The following CSMD1 variants were observed in gnomAD, a reference collection of about 807,000 sequenced individuals.
CSMD1 encodes the protein CUB and Sushi multiple domains 1, also known as CUB and sushi domain-containing protein 1.
Under a neutral mutation model 417.5 loss-of-function variants are expected in CSMD1, and 213 were observed. The ratio of observed to expected loss-of-function variants is 0.51; its 90% CI spans 0.46 to 0.57. The LOEUF (loss-of-function observed/expected upper bound fraction) is 0.57. Among genes scored for constraint, CSMD1 ranks in the 20% least tolerant of loss-of-function variants. The pLI, the probability that CSMD1 is intolerant of heterozygous loss-of-function variation, is 0.00. For synonymous variants in CSMD1, 2,862 were observed against 1,736.8 expected (o/e 1.65, Z -16.11); for missense variants, 6,923 against 4,529.7 (o/e 1.53, Z -15.17).
chr8:3,209,750 G>C (rs1052854680), intron 30 of CSMD1, among the ~76,000 whole-genome samples: 2 of 152,034 alleles, frequency 1.3e-5, no homozygotes, highest in African/African-American at 4.8e-5. Context: ...TTTGTTATTT[G>C]GTAATTAACA....
At chr8:3,310,101 A>T (rs1287887973) in intron 23 of CSMD1, among the ~76,000 whole-genome samples, 1 of 152,186 alleles carries the variant, frequency 6.6e-6, no homozygotes, top group Non-Finnish European at 1.5e-5. Context: ...AATGTCCACA[A>T]AGGGGAGGTA....
intron 7 of CSMD1, among the ~76,000 whole-genome samples, chr8:3,697,745 G>A (rs2129035646): frequency 6.6e-6 from 1 of 152,144 alleles, no homozygotes; most frequent in South Asian, 2.1e-4. Context: ...TATAAAATTT[G>A]ATGAAAATTC....
In CSMD1 at chr8:3,427,066, G is replaced by T. The variant is rs112204905; in HGVS notation, c.1562-17461C>A. The stretch of plus-strand genomic sequence containing the variant: ...CTCATGAGAACTCACTCACTATCAC[G>T]ACAGCAGCATAGTGGAAACCATCCC... On this transcript the variant is annotated intron_variant, in intron 12 of 69. Transcript: ENST00000635120. Among the ~76,000 whole-genome samples the T allele has an allele frequency of 2.0e-5, 3 of 152,116 alleles. No individual in the cohort carries two copies. The East Asian group carries it at 5.8e-4, about 29-fold the overall frequency.
chr8:4,401,705 C>T (rs1447279316), intron 3 of CSMD1, among the ~76,000 whole-genome samples: 1 of 151,776 alleles, frequency 6.6e-6, no homozygotes, highest in African/African-American at 2.4e-5. Context: ...CCATCTAATC[C>T]TCCTTCTTTG....
At chr8:3,710,604 T>C (rs147281888) in intron 6 of CSMD1, among the ~76,000 whole-genome samples, 1 of 152,142 alleles carries the variant, frequency 6.6e-6, no homozygotes, top group African/African-American at 2.4e-5. Context: ...TTCCTGTGCT[T>C]GGCCCCTGTG....
At chr8:4,455,592 G>T (rs1260833410) in intron 2 of CSMD1, among the ~76,000 whole-genome samples, 1 of 151,924 alleles carries the variant, frequency 6.6e-6, no homozygotes, top group Non-Finnish European at 1.5e-5. Context: ...GACAAATTGT[G>T]AATTTTTAAA....
chr8:4,080,305 G>C (rs2552144), intron 3 of CSMD1, among the ~76,000 whole-genome samples: 77,443 of 152,096 alleles, frequency 0.51, 21,764 homozygotes, highest in South Asian at 0.67. Flanking sequence ...GTGTACCTAA[G>C]AGTAAGGCAC....
At chr8:4,639,896 C>A (rs576152013) in intron 1 of CSMD1, among the ~76,000 whole-genome samples, 1 of 152,014 alleles carries the variant, frequency 6.6e-6, no homozygotes, top group African/African-American at 2.4e-5. Flanking sequence ...AATTTAAGTC[C>A]AATAATAACA....
intron 26 of CSMD1, among the ~76,000 whole-genome samples, chr8:3,230,449 T>C (rs1563164915): frequency 6.6e-6 from 1 of 152,068 alleles, no homozygotes; most frequent in African/African-American, 2.4e-5. Context: ...AAGATTCTGT[T>C]GAAAATGCAA....
intron 1 of CSMD1, among the ~76,000 whole-genome samples, chr8:4,731,918 G>T (rs556631600): frequency 6.4e-4 from 98 of 152,166 alleles, no homozygotes; most frequent in Non-Finnish European, 1.1e-3. Context: ...TAGGGCCAAA[G>T]ATAAAAATAA....
chr8:3,300,319 G>C (rs1329079613), intron 25 of CSMD1, among the ~76,000 whole-genome samples: 1 of 151,802 alleles, frequency 6.6e-6, no homozygotes. Context: ...TTCAAGTGTA[G>C]TTTTCTTTGG....
At chr8:4,817,104 T>A (rs1799251967) in intron 1 of CSMD1, among the ~76,000 whole-genome samples, 1 of 151,922 alleles carries the variant, frequency 6.6e-6, no homozygotes, top group Non-Finnish European at 1.5e-5. Context: ...TGTATATACA[T>A]GCCTCCATGT....
intron 4 of CSMD1, among the ~76,000 whole-genome samples, chr8:4,027,725 C>G (rs747090448): frequency 1.3e-5 from 2 of 152,060 alleles, no homozygotes; most frequent in Non-Finnish European, 2.9e-5. Context: ...GCCCATTGAA[C>G]AAACTTGAAG....
chr8:3,325,105 G>A (rs1353524074), intron 23 of CSMD1, among the ~76,000 whole-genome samples: 1 of 151,896 alleles, frequency 6.6e-6, no homozygotes, highest in African/African-American at 2.4e-5. Flanking sequence ...TTCTTTTAAC[G>A]ACATCATTAA....
chr8:4,377,818 G>C (rs1031622038), intron 3 of CSMD1, among the ~76,000 whole-genome samples: 2 of 152,146 alleles, frequency 1.3e-5, no homozygotes, highest in Admixed American at 6.5e-5. Flanking sequence ...GTTTAGCTTT[G>C]TGTATAAATA....
At chr8:4,742,057 G>T (rs1810647915) in intron 1 of CSMD1, among the ~76,000 whole-genome samples, 2 of 98,146 alleles carry the variant, frequency 2.0e-5, no homozygotes, top group Admixed American at 1.6e-4. Flanking sequence ...TTGAGACGGA[G>T]TCTCTCTCTG....
chr8:3,748,623 A>C (rs1797171094), intron 6 of CSMD1, among the ~76,000 whole-genome samples: 2 of 152,248 alleles, frequency 1.3e-5, no homozygotes, highest in Non-Finnish European at 1.5e-5. Context: ...ACTCCTAGAT[A>C]GAGCTCTGGA....
intron 2 of CSMD1, among the ~76,000 whole-genome samples, chr8:4,575,602 T>C (rs1476004137): frequency 1.3e-5 from 2 of 152,214 alleles, no homozygotes; most frequent in African/African-American, 4.8e-5. Context: ...CATTATGATA[T>C]GGTAGACATG....
Position 3,448,416 on chromosome 8 carries a change from A to G in CSMD1, c.1561+20296T>C, listed in dbSNP as rs563133869. 1.0e-4 allele frequency among the ~76,000 whole-genome samples: 13 copies of G among 128,968 alleles called. 1 individual carries two copies. The highest frequency in any genetic ancestry group is 2.8e-4 in the South Asian group (1 of 3,546). 84.6% of individuals were successfully genotyped at this position (128,968 alleles called of 152,430 possible). On this transcript the variant is annotated intron_variant, in intron 12 of 69. Coordinates refer to ENST00000635120, the MANE Select transcript of CSMD1 (RefSeq NM_033225.6). ...GAGGAAGGGAAGGAAGGAAGGAAGG[A>G]AGGGAAGGAAGAAGGAGCAATGAAG...
Sources: allele counts gnomAD v4.1 joint callset (sites outside exome capture counted in the v4.1 genomes callset), GRCh38; gene constraint gnomAD v4.1.1; transcripts MANE v1.5; gene names NCBI Gene and HGNC (gene_info 2026-07-23, HGNC 2026-07-21).